Variants in OR10A3 observed in about 807,000 individuals in gnomAD.
OR10A3 encodes olfactory receptor family 10 subfamily A member 3.
OR10A3 carries 1 observed loss-of-function variant against 1.5 expected under a neutral mutation model. That is an observed-to-expected ratio of 0.66 (90% CI 0.23 to 3.11). The LOEUF is 3.11. Ranked by LOEUF, OR10A3 falls within the 30% of genes most tolerant of loss-of-function variation. The pLI is 0.21. For synonymous variants in OR10A3, 145 were observed against 143.7 expected, an observed-to-expected ratio of 1.01 and a Z score of -0.06; for missense variants, 398 against 369.7, an observed-to-expected ratio of 1.08 and a Z score of -0.63.
rs1941406941 is a variant in OR10A3 at position 7,939,414 on chromosome 11, A to G, written c.107T>C (p.Val36Ala). 1.2e-6 allele frequency: 2 copies of G among 1,613,878 alleles called. No individual in the cohort carries two copies. Among genetic ancestry groups the G allele is most frequent in the Admixed American group, 1.7e-5 (1 of 59,968 alleles). The change falls in exon 2 of 2, where the codon GTG becomes GCG. Residue 36 changes from valine to alanine, a missense_variant. Val to Ala is a moderately conservative substitution (Grantham distance 64). Coordinates refer to ENST00000642047, the MANE Select transcript of OR10A3 (RefSeq NM_001003745.2). ...QLFGVFLVIY[V>A]VTLMGNAIIT... is the part of the protein sequence containing the mutation. ...GATGGCATTTCCCATCAGGGTCACC[A>G]CATAAATAACTAGGAAAACCCCAAA...
rs754765645 is a variant in OR10A3, at chr11:7,939,382, C to T, written c.139G>A (p.Val47Ile). The T allele has an allele frequency of 5.6e-6, 9 of 1,614,028 alleles. No individual in the cohort carries two copies. Among genetic ancestry groups the T allele is most frequent in the African/African-American group, 1.3e-5 (1 of 74,934 alleles). ...VTLMGNAIITVIISLNQSLHV... is the reference protein window; with the variant it reads ...VTLMGNAIITIIISLNQSLHV... ...AGGCTCTGGTTTAAGGAGATGATGA[C>T]TGTAATGATGGCATTTCCCATCAGG... is the stretch of plus-strand genomic sequence containing the variant. The change falls in exon 2 of 2, where the codon GTC (valine) becomes ATC (isoleucine). Residue 47 changes from valine (V) to isoleucine (I), a missense_variant. Coordinates refer to ENST00000642047, the MANE Select transcript of OR10A3 (RefSeq NM_001003745.2).
At chr11:7,940,125 A>C (rs1235635366) in intron 1 of OR10A3, among the ~76,000 whole-genome samples, 3 of 152,174 alleles carry the variant, frequency 2.0e-5, no homozygotes, top group African/African-American at 7.2e-5. Flanking sequence ...ATTTGTTGAT[A>C]GAAAACTGCA....
chr11:7,939,896 C>T (rs1941419742), intron 1 of OR10A3, among the ~76,000 whole-genome samples, 198 bp from the exon 2 acceptor site: 1 of 152,154 alleles, frequency 6.6e-6, no homozygotes, highest in Non-Finnish European at 1.5e-5. Context: ...AGGCAGGAGC[C>T]TATACCTCTT....
rs1941387606 is a variant in OR10A3 at position 7,938,508 on chromosome 11, A to T, written c.*68T>A. 3 of 1,223,890 alleles carry T rather than the reference A, an allele frequency of 2.5e-6. No individual in the cohort carries two copies. The highest frequency in any genetic ancestry group is 3.4e-6 in the Non-Finnish European group (3 of 874,500). 75.8% of individuals were successfully genotyped at this position (1,223,890 alleles called of 1,614,324 possible). ...CATACAAAAAATGCAGTCTGTTTTCACCCTTTATTAAATTTAAATAGAGTT... is the reference window on the plus strand; with the variant it reads ...CATACAAAAAATGCAGTCTGTTTTCTCCCTTTATTAAATTTAAATAGAGTT... On this transcript the variant is annotated 3_prime_UTR_variant, in exon 2 of 2. Coordinates refer to ENST00000642047, the MANE Select transcript of OR10A3 (RefSeq NM_001003745.2).
In OR10A3 at chr11:7,939,598, C is replaced by T; in HGVS notation, c.-78G>A. ...AGTCGTAATCCCATAGCTGTGAGTTCAAGTCTGGAATTCTTGACAGCAGAT... is the reference window on the plus strand; with the variant it reads ...AGTCGTAATCCCATAGCTGTGAGTTTAAGTCTGGAATTCTTGACAGCAGAT... On this transcript the variant is annotated 5_prime_UTR_variant, in exon 2 of 2. Transcript: ENST00000642047. The T allele has an allele frequency of 1.7e-6, 2 of 1,180,330 alleles. No individual in the cohort carries two copies. Among genetic ancestry groups the T allele is most frequent in the East Asian group, 2.5e-5 (1 of 39,970 alleles). 73.1% of individuals were successfully genotyped at this position (1,180,330 alleles called of 1,614,324 possible). A position where few individuals can be genotyped will look rare whatever the true frequency, so the allele number is the denominator to read the frequency against.
Position 7,938,342 on chromosome 11 carries a change from C to A in OR10A3, c.*234G>T. On this transcript the variant is annotated 3_prime_UTR_variant, in exon 2 of 2. Transcript: ENST00000642047. ...AAAAATGACAGTAATCCAGTAGCTA[C>A]TTGGATGTTCATAATAGAGAAATGG... The A allele has an allele frequency of 2.5e-6, 1 of 395,306 alleles. No individual in the cohort carries two copies. The highest frequency in any genetic ancestry group is 4.5e-6 in the Non-Finnish European group (1 of 224,098). 24.5% of individuals were successfully genotyped at this position (395,306 alleles called of 1,614,324 possible).
rs1322527474 is a variant in OR10A3, at chr11:7,938,848, T to G, written c.673A>C (p.Ile225Leu). Residue 225 changes from isoleucine (I) to leucine (L), a missense_variant, in exon 2 of 2, where the codon ATC (isoleucine) becomes CTC (leucine). Ile to Leu is a conservative substitution (Grantham distance 5). Transcript: ENST00000642047. Reference sequence around the variant, plus strand: ...CCAGTAGTTGATGGCATCTTCAGGATGGCAAACAGAACTCGAATGTAAGAC... The same window carrying G: ...CCAGTAGTTGATGGCATCTTCAGGAGGGCAAACAGAACTCGAATGTAAGAC... ...LLSYIRVLFA[I>L]LKMPSTTGRQ... 1 of 1,614,158 alleles carries G rather than the reference T, an allele frequency of 6.2e-7. No individual in the cohort carries two copies. The highest frequency in any genetic ancestry group is 2.2e-5 in the East Asian group (1 of 44,878).
In OR10A3 at chr11:7,938,753, A is replaced by G. The variant is rs138525938; in HGVS notation, c.768T>C (p.Asn256=). The change falls in exon 2 of 2, where the codon AAT becomes AAC. Residue 256 remains asparagine (N), a synonymous_variant. Coordinates refer to ENST00000642047, the MANE Select transcript of OR10A3 (RefSeq NM_001003745.2). ...CAGATTTGGGTTGTAAATAAGTCAT[A>G]TTGGCTGTGCCATAGAACAGGGTCA... ...TSVTLFYGTA[N]MTYLQPKSGY... 141 of 1,614,196 alleles carry G rather than the reference A, an allele frequency of 8.7e-5. No homozygotes were observed. Among genetic ancestry groups the G allele is most frequent in the Non-Finnish European group, 1.1e-4 (134 of 1,180,042 alleles).
chr11:7,937,301 A>G lies in OR10A3; in HGVS notation c.*1275T>C, dbSNP rs919750888. The G allele has an allele frequency of 6.6e-6, 1 of 152,202 alleles. No individual in the cohort carries two copies. Among genetic ancestry groups the G allele is most frequent in the Non-Finnish European group, 1.5e-5 (1 of 68,034 alleles). 9.4% of individuals were successfully genotyped at this position (152,202 alleles called of 1,614,324 possible). A position where few individuals can be genotyped will look rare whatever the true frequency, so the allele number is the denominator to read the frequency against. ...TATGTATATCTAATCTTAACATCAC[A>G]GTATCAGTTTTATTCCAATTATTTT... On this transcript the variant is annotated 3_prime_UTR_variant, in exon 2 of 2. Transcript: ENST00000642047.
In OR10A3 at chr11:7,939,301, T is replaced by A; in HGVS notation, c.220A>T (p.Ser74Cys). 7 of 1,614,128 alleles carry A rather than the reference T, an allele frequency of 4.3e-6. No homozygotes were observed. The highest frequency in any genetic ancestry group is 5.1e-6 in the Non-Finnish European group (6 of 1,180,012). ...AGCATTTCAGGCGTAATGACTGCAC[T>A]GAAACTCACCTCCACCACAGATAGG... Reference protein sequence around the residue: ...LNLSVVEVSFSAVITPEMLVV... With the variant: ...LNLSVVEVSFCAVITPEMLVV... Residue 74 changes from serine (S) to cysteine (C), a missense_variant, in exon 2 of 2, where the codon AGT (serine) becomes TGT (cysteine). Coordinates refer to ENST00000642047, the MANE Select transcript of OR10A3 (RefSeq NM_001003745.2).
rs1477365031 is a variant in OR10A3, at chr11:7,938,417, A to C, written c.*159T>G. 9 of 601,614 alleles carry C rather than the reference A, an allele frequency of 1.5e-5. No homozygotes were observed. In the South Asian group the frequency reaches 2.0e-4, roughly 14 times the overall value. 37.3% of individuals were successfully genotyped at this position (601,614 alleles called of 1,614,324 possible). A position where few individuals can be genotyped will look rare whatever the true frequency, so the allele number is the denominator to read the frequency against. ...ATGAGAACATATGTATCTACTAAAA[A>C]CAAGTGACAGCAGTTCTTTATTGAG... On this transcript the variant is annotated 3_prime_UTR_variant, in exon 2 of 2. Coordinates refer to ENST00000642047, the MANE Select transcript of OR10A3 (RefSeq NM_001003745.2).
rs141104907 is a variant in OR10A3 at position 7,939,563 on chromosome 11, T to C, written c.-43A>G. On this transcript the variant is annotated 5_prime_UTR_variant, in exon 2 of 2. Coordinates refer to ENST00000642047, the MANE Select transcript of OR10A3 (RefSeq NM_001003745.2). ...ATATTGTTTTTATGGACCTGGTATA[T>C]CGAGTATGAAGTCGTAATCCCATAG... is the stretch of plus-strand genomic sequence containing the variant. 173 of 1,440,468 alleles carry C rather than the reference T, an allele frequency of 1.2e-4. No homozygotes were observed. In the East Asian group the frequency reaches 1.6e-3, roughly 14 times the overall value. 89.2% of individuals were successfully genotyped at this position (1,440,468 alleles called of 1,614,324 possible).
Position 7,939,175 on chromosome 11 carries a change from C to G in OR10A3, c.346G>C (p.Gly116Arg). 1.2e-6 allele frequency: 2 copies of G among 1,614,086 alleles called. No homozygotes were observed. The highest frequency in any genetic ancestry group is 1.7e-6 in the Non-Finnish European group (2 of 1,180,020). Residue 116 changes from glycine (G) to arginine (R), a missense_variant, in exon 2 of 2, where the codon GGA becomes CGA. Gly to Arg is a moderately radical substitution (Grantham distance 125). Transcript: ENST00000642047. ...GCAAATCGGTCATAAGCCATCGCTC[C>G]CAGGAGAAAACATTCAGTCCCACCA... is the stretch of plus-strand genomic sequence containing the variant. ...LFGGTECFLLGAMAYDRFAAI... is the reference protein window; with the variant it reads ...LFGGTECFLLRAMAYDRFAAI...
Position 7,937,503 on chromosome 11 carries a change from A to C in OR10A3, c.*1073T>G, listed in dbSNP as rs1941372490. 1 of 152,232 alleles carries C rather than the reference A, an allele frequency of 6.6e-6. No individual in the cohort carries two copies. The highest frequency in any genetic ancestry group is 1.9e-4 in the East Asian group (1 of 5,200). 9.4% of individuals were successfully genotyped at this position (152,232 alleles called of 1,614,324 possible). ...TTTTACTTTCCTGTCACAGACTACA[A>C]AAGGAAACTTCATAAAAGTTTCTAA... On this transcript the variant is annotated 3_prime_UTR_variant, in exon 2 of 2. Transcript: ENST00000642047.
At position 7,939,317 on chromosome 11, in the gene OR10A3, C is replaced by T. The variant is rs1564871157; in HGVS notation, c.204G>A (p.Val68=). The T allele has an allele frequency of 1.9e-6, 3 of 1,614,056 alleles. No individual in the cohort carries two copies. The highest frequency in any genetic ancestry group is 1.1e-5 in the South Asian group (1 of 91,062). ...TGACTGCACTGAAACTCACCTCCACCACAGATAGGTTCAGGAGGAACAGGT... is the reference window on the plus strand; with the variant it reads ...TGACTGCACTGAAACTCACCTCCACTACAGATAGGTTCAGGAGGAACAGGT... ...PMYLFLLNLS[V]VEVSFSAVIT... Residue 68 remains valine (V), a synonymous_variant, in exon 2 of 2, where the codon GTG becomes GTA. Transcript: ENST00000642047.
At chr11:7,940,571 T>C (rs977650050) in intron 1 of OR10A3, among the ~76,000 whole-genome samples, 21 of 151,866 alleles carry the variant, frequency 1.4e-4, no homozygotes, top group Non-Finnish European at 2.1e-4. Context: ...GACAAAATAA[T>C]ATCACCCTCC....
Position 7,937,772 on chromosome 11 carries a change from C to T in OR10A3, c.*804G>A, listed in dbSNP as rs1365857465. ...TTCAATCCAAAAATAGAAACATCAT[C>T]ACCTTATTTGTTGGTCTCTTGAAGC... On this transcript the variant is annotated 3_prime_UTR_variant, in exon 2 of 2. Transcript: ENST00000642047. The T allele has an allele frequency of 6.6e-6, 1 of 152,124 alleles. No individual in the cohort carries two copies. The highest frequency in any genetic ancestry group is 1.5e-5 in the Non-Finnish European group (1 of 68,014). 9.4% of individuals were successfully genotyped at this position (152,124 alleles called of 1,614,324 possible).
At position 7,939,658 on chromosome 11, in the gene OR10A3, T is replaced by G. The variant is rs1485014282; in HGVS notation, c.-138A>C. The G allele has an allele frequency of 1.7e-6, 1 of 599,220 alleles. No individual in the cohort carries two copies. Among genetic ancestry groups the G allele is most frequent in the East Asian group, 2.9e-5 (1 of 34,572 alleles). 37.1% of individuals were successfully genotyped at this position (599,220 alleles called of 1,614,324 possible). A position where few individuals can be genotyped will look rare whatever the true frequency, so the allele number is the denominator to read the frequency against. ...AGCTCATTTTGACAGAACTTCAGGTTGGCACTTTTGAAGAATGGCCAATGA... is the reference window on the plus strand; with the variant it reads ...AGCTCATTTTGACAGAACTTCAGGTGGGCACTTTTGAAGAATGGCCAATGA... On this transcript the variant is annotated 5_prime_UTR_variant, in exon 2 of 2. Coordinates refer to ENST00000642047, the MANE Select transcript of OR10A3 (RefSeq NM_001003745.2).
Position 7,937,824 on chromosome 11 carries a change from G to A in OR10A3, c.*752C>T, listed in dbSNP as rs540786837. 1 of 152,160 alleles carries A rather than the reference G, an allele frequency of 6.6e-6. No individual in the cohort carries two copies. The highest frequency in any genetic ancestry group is 1.5e-5 in the Non-Finnish European group (1 of 68,034). The allele number at this position is 152,160 out of a possible 1,614,324, so 9.4% of individuals were successfully genotyped here. The stretch of plus-strand genomic sequence containing the variant: ...CTACCCTGTTACCAAAGCACAGTGA[G>A]CCTTCAGGCCAGTCTGAAGAACTAT... On this transcript the variant is annotated 3_prime_UTR_variant, in exon 2 of 2. Transcript: ENST00000642047.
Sources: allele counts gnomAD v4.1 joint callset (sites outside exome capture counted in the v4.1 genomes callset), GRCh38; gene constraint gnomAD v4.1.1; transcripts MANE v1.5; gene names NCBI Gene and HGNC (gene_info 2026-07-23, HGNC 2026-07-21).